Variants in SARAF observed in about 807,000 individuals in gnomAD.
The protein encoded by SARAF is store-operated calcium entry associated regulatory factor, also known as store-operated calcium entry-associated regulatory factor.
A neutral mutation model predicts 39.7 loss-of-function variants in SARAF; 23 were observed. The observed-to-expected ratio is 0.58, with a 90% CI of 0.42 to 0.82. The LOEUF (loss-of-function observed/expected upper bound fraction) is 0.82. SARAF is among the 40% of genes least tolerant of loss of function. The pLI is 0.00. For missense variants in SARAF, 384 were observed against 418.5 expected (o/e 0.92, Z 0.72); for synonymous variants, 175 against 168.5 (o/e 1.04, Z -0.30).
intron 4 of SARAF, among the ~76,000 whole-genome samples, chr8:30,066,357 T>C (rs1445673861): frequency 2.6e-5 from 4 of 152,240 alleles, no homozygotes; most frequent in Non-Finnish European, 4.4e-5. Context: ...GTCAATGCTC[T>C]TTCTGAATTT....
At chr8:30,063,971 T>C in intron 5 of SARAF, 58 bp from the exon 6 acceptor site, 2 of 1,392,792 alleles carry the variant, frequency 1.4e-6, no homozygotes, top group South Asian at 1.2e-5. Context: ...GAATTGCTTA[T>C]AAAATTACAA....
In SARAF at chr8:30,082,932, C is replaced by T; in HGVS notation, c.18G>A (p.Gly6=). Residue 6 remains glycine, a synonymous_variant, in exon 1 of 6, where the codon GGG becomes GGA. Transcript: ENST00000256255. MAAAC[G]PGAAGYCLLL... Reference sequence around the variant, plus strand: ...GCAAGCAGTACCCGGCCGCTCCCGGCCCGCAGGCTGCGGCCATGGCGCTCG... The same window carrying T: ...GCAAGCAGTACCCGGCCGCTCCCGGTCCGCAGGCTGCGGCCATGGCGCTCG... 6.5e-7 allele frequency: 1 copy of T among 1,547,390 alleles called. No individual in the cohort carries two copies. The highest frequency in any genetic ancestry group is 8.7e-7 in the Non-Finnish European group (1 of 1,147,288).
At chr8:30,083,207 T>G (rs1444317327), upstream of SARAF, 4 of 349,692 alleles carry the variant, frequency 1.1e-5, no homozygotes, top group African/African-American at 8.8e-5. Context: ...CGAGGCGGTG[T>G]GGGCGGGGCC....
chr8:30,066,900 T>C lies in SARAF; in HGVS notation c.719A>G (p.His240Arg). 6.2e-7 allele frequency: 1 copy of C among 1,614,196 alleles called. No individual in the cohort carries two copies. Among genetic ancestry groups the C allele is most frequent in the Middle Eastern group, 1.6e-4 (1 of 6,062 alleles). Residue 240 changes from histidine (H) to arginine (R), a missense_variant, in exon 4 of 6, where the codon CAT becomes CGT. Physicochemically the swap from His to Arg is conservative, Grantham distance 29. Coordinates refer to ENST00000256255, the MANE Select transcript of SARAF (RefSeq NM_016127.6). Reference sequence around the variant, plus strand: ...ACTGCCAAAACCAGAAGTTGCACCATGGCCAGTATTCTGTGGTCCTTAAAA... The same window carrying C: ...ACTGCCAAAACCAGAAGTTGCACCACGGCCAGTATTCTGTGGTCCTTAAAA... ...SEFTGPQNTG[H>R]GATSGFGSAF...
In SARAF at chr8:30,064,561, A is replaced by ATT. The variant is rs869277681; in HGVS notation, c.995-650_995-649dup. On this transcript the variant is annotated intron_variant, in intron 5 of 5. Transcript: ENST00000256255. Reference sequence around the variant, plus strand: ...TATATATATATATATATATATATATATTTTTTTTTTTTTTTTTTGAGACAG... The same window carrying ATT: ...TATATATATATATATATATATATATATTTTTTTTTTTTTTTTTTTTGAGACAG... 2.2e-4 allele frequency among the ~76,000 whole-genome samples: 10 copies of ATT among 46,236 alleles called. 2 individuals carry two copies. Among genetic ancestry groups the ATT allele is most frequent in the African/African-American group, 1.0e-3 (9 of 8,932 alleles). 30.3% of individuals were successfully genotyped at this position (46,236 alleles called of 152,430 possible).
chr8:30,064,559 A>ATTT (rs1240248914), intron 5 of SARAF, among the ~76,000 whole-genome samples: 6 of 50,018 alleles, frequency 1.2e-4, no homozygotes, highest in Admixed American at 6.4e-4. Flanking sequence ...ATATATATAT[A>ATTT]TATTTTTTTT....
At chr8:30,068,557 TCCCCA>T (rs1158385512) in intron 3 of SARAF, among the ~76,000 whole-genome samples, 1 of 134,154 alleles carries the variant, frequency 7.5e-6, no homozygotes. Flanking sequence ...AAACCTTCTC[TCCCCA>T]CCCCACCCCA....
upstream of SARAF, chr8:30,083,092 G>A: frequency 3.5e-6 from 2 of 573,072 alleles, no homozygotes; most frequent in Non-Finnish European, 5.9e-6. Context: ...CAGCCGCAAC[G>A]GATCCGTGCG....
At chr8:30,068,138 TG>T (rs1260469982) in intron 3 of SARAF, among the ~76,000 whole-genome samples, 18 of 152,324 alleles carry the variant, frequency 1.2e-4, no homozygotes, top group African/African-American at 4.1e-4. Context: ...ACCCCAGTAC[TG>T]CTCCACGGCC....
In SARAF at chr8:30,077,770, C is replaced by T. The variant is rs192159387; in HGVS notation, c.104-3715G>A. Among the ~76,000 whole-genome samples, 184 of 151,418 alleles carry T rather than the reference C, an allele frequency of 1.2e-3. 2 individuals are homozygous for T. Among genetic ancestry groups the T allele is most frequent in the African/African-American group, 4.3e-3 (178 of 41,232 alleles). On this transcript the variant is annotated intron_variant, in intron 1 of 5. Coordinates refer to ENST00000256255, the MANE Select transcript of SARAF (RefSeq NM_016127.6). The stretch of plus-strand genomic sequence containing the variant: ...TGAGCCAAGATTGTGCCACTGCACT[C>T]CAGCCTGGCGATAGAGCAAGGCTCC...
intron 2 of SARAF, among the ~76,000 whole-genome samples, chr8:30,070,575 T>C (rs1400963001): frequency 6.6e-6 from 1 of 152,232 alleles, no homozygotes; most frequent in East Asian, 1.9e-4. Context: ...ATGCTGGATA[T>C]TGCGTATATG....
At chr8:30,070,182 GGT>G (rs1484699825) in intron 2 of SARAF, 123 bp from the exon 3 acceptor site, 1 of 822,078 alleles carries the variant, frequency 1.2e-6, no homozygotes, top group Non-Finnish European at 1.9e-6. Context: ...GGCCAAGGCG[GGT>G]GGATCACGCG....
intron 1 of SARAF, among the ~76,000 whole-genome samples, chr8:30,078,674 C>T (rs937649784): frequency 2.6e-5 from 4 of 152,052 alleles, no homozygotes; most frequent in African/African-American, 9.7e-5. Context: ...TGAATCTAAT[C>T]AATCTAATAA....
chr8:30,071,985 C>CT (rs778399948), intron 2 of SARAF, among the ~76,000 whole-genome samples: 32 of 152,326 alleles, frequency 2.1e-4, no homozygotes, highest in African/African-American at 7.2e-4. Flanking sequence ...AGTGGAATGA[C>CT]TGAGGCATAC....
chr8:30,068,787 C>T (rs1037326321), intron 3 of SARAF, among the ~76,000 whole-genome samples: 31 of 152,144 alleles, frequency 2.0e-4, no homozygotes, highest in Middle Eastern at 3.4e-3. Context: ...GCCGGAAATA[C>T]GTTTCGTAAA....
At chr8:30,078,058 T>G (rs1303393120) in intron 1 of SARAF, among the ~76,000 whole-genome samples, 1 of 141,478 alleles carries the variant, frequency 7.1e-6, no homozygotes, top group African/African-American at 2.7e-5. Context: ...GAGAATCGCT[T>G]GAACCCGGGA....
chr8:30,063,715 A>T lies in SARAF; in HGVS notation c.*173T>A, dbSNP rs1262925260. 1 of 629,954 alleles carries T rather than the reference A, an allele frequency of 1.6e-6. No individual in the cohort carries two copies. The highest frequency in any genetic ancestry group is 2.8e-6 in the Non-Finnish European group (1 of 355,986). 39.0% of individuals were successfully genotyped at this position (629,954 alleles called of 1,614,324 possible). A position where few individuals can be genotyped will look rare whatever the true frequency, so the allele number is the denominator to read the frequency against. ...ACAACACATAAGTATTTTGTCACAC[A>T]TCAACTTTTAGCCTCAAATAATAGA... is the stretch of plus-strand genomic sequence containing the variant. On this transcript the variant is annotated 3_prime_UTR_variant, in exon 6 of 6. Transcript: ENST00000256255.
intron 3 of SARAF, among the ~76,000 whole-genome samples, chr8:30,067,932 C>T (rs140559656): frequency 6.6e-6 from 1 of 152,240 alleles, no homozygotes; most frequent in Non-Finnish European, 1.5e-5. Context: ...AAACTCCTAC[C>T]GGCAAAGTAT....
chr8:30,080,195 T>C (rs1802065805), intron 1 of SARAF, among the ~76,000 whole-genome samples: 1 of 152,242 alleles, frequency 6.6e-6, no homozygotes, highest in African/African-American at 2.4e-5. Flanking sequence ...CTACTGCTCC[T>C]GCCCTGGGCC....
Sources: allele counts gnomAD v4.1 joint callset (sites outside exome capture counted in the v4.1 genomes callset), GRCh38; gene constraint gnomAD v4.1.1; transcripts MANE v1.5; gene names NCBI Gene and HGNC (gene_info 2026-07-23, HGNC 2026-07-21).